The following CSMD1 variants were observed in gnomAD, a reference collection of about 807,000 sequenced individuals.
The protein encoded by CSMD1 is CUB and Sushi multiple domains 1, also known as CUB and sushi domain-containing protein 1.
CSMD1 carries 213 observed loss-of-function variants against 417.5 expected under a neutral mutation model. The ratio of observed to expected loss-of-function variants is 0.51; its 90% CI spans 0.46 to 0.57. The LOEUF is 0.57. Ranked by LOEUF, CSMD1 falls within the 20% of genes least tolerant of loss-of-function variation. The probability of loss-of-function intolerance (pLI) is 0.00; values close to 1 mark genes in which losing one functional copy is unlikely to be tolerated. For missense variants in CSMD1, 6,923 were observed against 4,529.7 expected (o/e 1.53, Z -15.17); for synonymous variants, 2,862 against 1,736.8 (o/e 1.65, Z -16.11).
intron 3 of CSMD1, among the ~76,000 whole-genome samples, chr8:4,041,937 G>A (rs946294242): frequency 2.3e-4 from 35 of 152,160 alleles, no homozygotes; most frequent in African/African-American, 8.2e-4. Flanking sequence ...TGTAGAGATA[G>A]CAAGATAAAG....
chr8:4,016,986 T>C (rs987534710), intron 4 of CSMD1, among the ~76,000 whole-genome samples: 2 of 152,030 alleles, frequency 1.3e-5, no homozygotes, highest in African/African-American at 4.8e-5. Flanking sequence ...AACCCTGAAA[T>C]CACAATAACA....
At chr8:3,571,850 C>G (rs1456684391) in intron 10 of CSMD1, among the ~76,000 whole-genome samples, 3 of 152,134 alleles carry the variant, frequency 2.0e-5, no homozygotes, top group African/African-American at 4.8e-5. Flanking sequence ...ATTCCAAACT[C>G]TGCGTCTCAC....
At chr8:4,087,899 G>C (rs1002949667) in intron 3 of CSMD1, among the ~76,000 whole-genome samples, 7 of 151,994 alleles carry the variant, frequency 4.6e-5, no homozygotes, top group African/African-American at 1.5e-4. Context: ...CTCATCTTTA[G>C]AAAAAAGGAT....
At chr8:4,958,070 T>C (rs1024341175) in intron 1 of CSMD1, among the ~76,000 whole-genome samples, 2 of 152,214 alleles carry the variant, frequency 1.3e-5, no homozygotes, top group African/African-American at 2.4e-5. Context: ...GGGAGCTTCA[T>C]GTATTTGAGT....
intron 5 of CSMD1, among the ~76,000 whole-genome samples, chr8:3,814,060 C>T (rs1258985487): frequency 1.3e-5 from 2 of 152,160 alleles, no homozygotes; most frequent in African/African-American, 4.8e-5. Flanking sequence ...GCTTATTATT[C>T]TGCAAAATGT....
chr8:4,646,595 G>C (rs981863558), intron 1 of CSMD1, among the ~76,000 whole-genome samples: 11 of 152,200 alleles, frequency 7.2e-5, no homozygotes, highest in African/African-American at 2.4e-4. Context: ...AATTCTTTCT[G>C]TGTAGATATA....
At chr8:3,940,678 A>G (rs561092358) in intron 5 of CSMD1, among the ~76,000 whole-genome samples, 160 of 152,124 alleles carry the variant, frequency 1.1e-3, no homozygotes, top group African/African-American at 3.4e-3. Context: ...CCAAATTTCT[A>G]TAACATACCT....
chr8:4,422,983 C>T (rs549814669), intron 2 of CSMD1, among the ~76,000 whole-genome samples: 2 of 146,314 alleles, frequency 1.4e-5, no homozygotes, highest in African/African-American at 5.5e-5. Flanking sequence ...AATCATTGAA[C>T]ATGAGAAAAG....
chr8:3,202,473 C>G (rs968048323), intron 31 of CSMD1, among the ~76,000 whole-genome samples: 1 of 152,204 alleles, frequency 6.6e-6, no homozygotes, highest in Non-Finnish European at 1.5e-5. Flanking sequence ...TGAAACATAA[C>G]TACATGCTTT....
At chr8:3,303,005 C>T (rs958718807) in intron 25 of CSMD1, among the ~76,000 whole-genome samples, 5 of 152,190 alleles carry the variant, frequency 3.3e-5, no homozygotes, top group Admixed American at 2.0e-4. Flanking sequence ...GGAGTAGCAG[C>T]CATAGGCATA....
intron 5 of CSMD1, among the ~76,000 whole-genome samples, chr8:3,943,938 G>A (rs1443780928): frequency 6.6e-6 from 1 of 151,980 alleles, no homozygotes; most frequent in African/African-American, 2.4e-5. Context: ...ACACAATGGT[G>A]GAATGTTAGG....
intron 3 of CSMD1, among the ~76,000 whole-genome samples, chr8:4,114,135 T>G (rs913336629): frequency 1.3e-5 from 2 of 152,174 alleles, no homozygotes; most frequent in African/African-American, 4.8e-5. Flanking sequence ...GGAAAGAGGG[T>G]AAGTCAATGC....
chr8:3,768,444 C>A (rs548517173), intron 5 of CSMD1, among the ~76,000 whole-genome samples: 3 of 152,104 alleles, frequency 2.0e-5, no homozygotes, highest in Non-Finnish European at 4.4e-5. Context: ...TTACTGTAAC[C>A]AGAAAATATA....
intron 42 of CSMD1, among the ~76,000 whole-genome samples, chr8:3,116,563 C>T (rs1212881986): frequency 6.6e-6 from 1 of 152,096 alleles, no homozygotes; most frequent in Admixed American, 6.6e-5. Flanking sequence ...CAGAGTTTAG[C>T]TAATTCTAGA....
At chr8:4,676,534 G>T (rs1585434432) in intron 1 of CSMD1, among the ~76,000 whole-genome samples, 1 of 152,118 alleles carries the variant, frequency 6.6e-6, no homozygotes, top group East Asian at 1.9e-4. Context: ...TTTCCTGTTG[G>T]TCTACATCAT....
At chr8:4,673,355 G>T (rs1805449273) in intron 1 of CSMD1, among the ~76,000 whole-genome samples, 1 of 152,136 alleles carries the variant, frequency 6.6e-6, no homozygotes. Flanking sequence ...ATCATCCTTT[G>T]AAAGGGTTTA....
chr8:4,041,326 C>A (rs908825198), intron 3 of CSMD1, among the ~76,000 whole-genome samples: 4 of 152,058 alleles, frequency 2.6e-5, no homozygotes, highest in African/African-American at 9.7e-5. Flanking sequence ...CGGGCCTTTG[C>A]CATTTTAAAC....
At chr8:4,360,387 G>C (rs923040259) in intron 3 of CSMD1, among the ~76,000 whole-genome samples, 5 of 152,124 alleles carry the variant, frequency 3.3e-5, no homozygotes, top group African/African-American at 1.2e-4. Flanking sequence ...GTAAGTTACT[G>C]CAAACTCCAT....
intron 11 of CSMD1, 48 bp downstream of exon 11, chr8:3,493,574 GC>G (rs1398003168): frequency 6.8e-7 from 1 of 1,468,952 alleles, no homozygotes; most frequent in East Asian, 2.4e-5. Context: ...CACCCACCGT[GC>G]CCCGCACTGC....
Sources: allele counts gnomAD v4.1 joint callset (sites outside exome capture counted in the v4.1 genomes callset), GRCh38; gene constraint gnomAD v4.1.1; transcripts MANE v1.5; gene names NCBI Gene and HGNC (gene_info 2026-07-23, HGNC 2026-07-21).